Variants in NBAS observed in about 807,000 individuals in gnomAD.
NBAS encodes NBAS subunit of NRZ tethering complex, also known as NAG/BC035112 fusion.
Under a neutral mutation model 302.5 loss-of-function variants are expected in NBAS, and 219 were observed. That is an observed-to-expected ratio of 0.72 (90% CI 0.65 to 0.81). NBAS has a LOEUF of 0.81. Ranked by LOEUF, NBAS falls within the 30% of genes least tolerant of loss-of-function variation. The pLI is 0.00. For synonymous variants in NBAS, 1,118 were observed against 1,021.6 expected, an observed-to-expected ratio of 1.09 and a Z score of -1.80; for missense variants, 2,932 against 2,841.6, an observed-to-expected ratio of 1.03 and a Z score of -0.72.
the NBAS span, among the ~76,000 whole-genome samples, chr2:14,938,820 A>C: frequency 1.4e-4 from 21 of 152,238 alleles, no homozygotes; most frequent in Non-Finnish European, 2.8e-4. Context: ...CCCCCTTCTC[A>C]GGCAACTATC....
In NBAS at chr2:15,211,456, T is replaced by C. The variant is rs557246635; in HGVS notation, c.6432+7317A>G. On this transcript the variant is annotated intron_variant, in intron 48 of 51. Coordinates refer to ENST00000281513, the MANE Select transcript of NBAS (RefSeq NM_015909.4). ...TCTGAGTAAAAAGTATACAGAATAC[T>C]TTGCATAATTTATGCAACTTTTTTG... Among the ~76,000 whole-genome samples the C allele has an allele frequency of 2.0e-5, 3 of 152,320 alleles. No individual in the cohort carries two copies. The South Asian group carries it at 6.2e-4, about 32-fold the overall frequency.
At chr2:15,089,362 T>A in the NBAS span, among the ~76,000 whole-genome samples, 1 of 152,162 alleles carries the variant, frequency 6.6e-6, no homozygotes. Context: ...TTAAAATTCA[T>A]AATCACCCCA....
At chr2:15,347,484 A>G (rs559334624) in intron 35 of NBAS, among the ~76,000 whole-genome samples, 1 of 152,316 alleles carries the variant, frequency 6.6e-6, no homozygotes, top group Non-Finnish European at 1.5e-5. Context: ...TTATTTAAAT[A>G]TTTCTAAACA....
rs1221983524 is a variant in NBAS at position 15,167,167 on chromosome 2, G to A, written c.6997C>T (p.His2333Tyr). The change falls in exon 52 of 52, where the codon CAC (histidine) becomes TAC (tyrosine). Residue 2333 changes from histidine (H) to tyrosine (Y), a missense_variant. Coordinates refer to ENST00000281513, the MANE Select transcript of NBAS (RefSeq NM_015909.4). ...GCTTCATGGCCGGCCTCCCGCAGGT[G>A]TCTGCCCAGCTCCTCTGCATCCCAG... is the stretch of plus-strand genomic sequence containing the variant. ...GRWDAEELGR[H>Y]LREAGHEAEA... The A allele has an allele frequency of 1.2e-6, 2 of 1,614,266 alleles. No individual in the cohort carries two copies. Among genetic ancestry groups the A allele is most frequent in the South Asian group, 1.1e-5 (1 of 91,084 alleles).
intron 19 of NBAS, among the ~76,000 whole-genome samples, chr2:15,466,932 A>T (rs929382787): frequency 1.2e-4 from 11 of 93,514 alleles, no homozygotes; most frequent in Non-Finnish European, 2.5e-4. Flanking sequence ...GTGAGATCCT[A>T]TCTCAAAAAA....
At chr2:15,144,396 T>C in the NBAS span, among the ~76,000 whole-genome samples, 2 of 152,214 alleles carry the variant, frequency 1.3e-5, no homozygotes, top group African/African-American at 4.8e-5. Context: ...AAATAAAATA[T>C]AATGTTTGTT....
the NBAS span, among the ~76,000 whole-genome samples, chr2:14,798,896 G>T: frequency 5.5e-4 from 84 of 152,064 alleles, no homozygotes; most frequent in Non-Finnish European, 1.1e-3. Context: ...AAGATCTGTA[G>T]AATCTACAGT....
intron 35 of NBAS, among the ~76,000 whole-genome samples, chr2:15,331,954 G>A (rs957101485): frequency 4.6e-5 from 7 of 152,318 alleles, no homozygotes; most frequent in African/African-American, 1.4e-4. Flanking sequence ...TCTCAATAAG[G>A]ATCAGGGAGA....
the NBAS span, among the ~76,000 whole-genome samples, chr2:14,951,525 C>T: frequency 1.0e-3 from 153 of 152,310 alleles, no homozygotes; most frequent in African/African-American, 3.3e-3. Context: ...ACTCACTCTG[C>T]GGATCACATC....
At chr2:14,823,749 T>C in the NBAS span, among the ~76,000 whole-genome samples, 1 of 152,264 alleles carries the variant, frequency 6.6e-6, no homozygotes, top group Admixed American at 6.5e-5. Context: ...TCCTAATAAA[T>C]GCATGTTTCT....
intron 40 of NBAS, among the ~76,000 whole-genome samples, chr2:15,296,733 G>A (rs973177566): frequency 1.3e-5 from 2 of 152,134 alleles, no homozygotes; most frequent in East Asian, 1.9e-4. Flanking sequence ...TACCTACTAG[G>A]GAGGCTGAAG....
At chr2:15,065,305 T>C in the NBAS span, among the ~76,000 whole-genome samples, 2 of 152,052 alleles carry the variant, frequency 1.3e-5, no homozygotes, top group East Asian at 1.9e-4. Context: ...TACTCACTGA[T>C]GAAAAACAAA....
intron 10 of NBAS, among the ~76,000 whole-genome samples, chr2:15,505,970 T>C (rs952495555): frequency 2.6e-5 from 4 of 151,556 alleles, no homozygotes; most frequent in African/African-American, 9.7e-5. Flanking sequence ...AAGAGAAAAT[T>C]ATCTAAAAAA....
At chr2:15,161,797 A>AAC in the NBAS span, among the ~76,000 whole-genome samples, 23 of 152,242 alleles carry the variant, frequency 1.5e-4, no homozygotes, top group African/African-American at 5.3e-4. Flanking sequence ...GAAAGTCATA[A>AAC]CCCTAAGGGT....
chr2:15,529,419 G>A (rs183916494), intron 9 of NBAS, among the ~76,000 whole-genome samples: 4 of 152,122 alleles, frequency 2.6e-5, no homozygotes, highest in Admixed American at 1.3e-4. Context: ...CTTGAGCCCA[G>A]GAGGTCGAGG....
the NBAS span, among the ~76,000 whole-genome samples, chr2:14,857,567 T>C: frequency 2.1e-3 from 313 of 152,122 alleles, no homozygotes; most frequent in African/African-American, 7.2e-3. Flanking sequence ...AGAGCATACA[T>C]TGGGGAAAGG....
chr2:15,253,206 C>T (rs1389578604), intron 44 of NBAS, among the ~76,000 whole-genome samples: 2 of 152,136 alleles, frequency 1.3e-5, no homozygotes. Context: ...CGCAAGATGT[C>T]TCATGGGGTA....
chr2:14,933,078 A>G, the NBAS span, among the ~76,000 whole-genome samples: 54,778 of 152,046 alleles, frequency 0.36, 10,082 homozygotes, highest in African/African-American at 0.44. Context: ...GTTTTTGGAG[A>G]CTTTCTAGTA....
chr2:14,880,593 T>C, the NBAS span, among the ~76,000 whole-genome samples: 1 of 151,538 alleles, frequency 6.6e-6, no homozygotes, highest in East Asian at 1.9e-4. Context: ...CAGATTGTGC[T>C]GAAACTATAA....
Sources: gnomAD v4.1 joint callset for allele counts (sites outside exome capture counted in the v4.1 genomes callset) on GRCh38, gnomAD v4.1.1 for gene constraint, MANE v1.5 for transcripts, NCBI Gene and HGNC (gene_info 2026-07-23, HGNC 2026-07-21) for gene names.